The following NRG1 variants were observed in gnomAD, a reference collection of about 807,000 sequenced individuals.
NRG1 encodes neuregulin 1, also known as pro-neuregulin-1, membrane-bound isoform.
A neutral mutation model predicts 63.8 loss-of-function variants in NRG1; 18 were observed. The observed-to-expected ratio is 0.28, with a 90% CI of 0.19 to 0.42. The LOEUF is 0.42. Among genes scored for constraint, NRG1 ranks in the 10% least tolerant of loss-of-function variants. The pLI is 1.00. For synonymous variants in NRG1, 302 were observed against 301.3 expected, an observed-to-expected ratio of 1.00 and a Z score of -0.02; for missense variants, 762 against 814.7, an observed-to-expected ratio of 0.94 and a Z score of 0.79.
chr8:32,696,059 T>C (rs1418624285), intron 5 of NRG1, among the ~76,000 whole-genome samples: 1 of 152,178 alleles, frequency 6.6e-6, no homozygotes, highest in Admixed American at 6.5e-5. Flanking sequence ...TGTCTGCTCT[T>C]CCCCTCTTCA....
At chr8:32,364,753 C>A (rs1807711793) in intron 1 of NRG1, among the ~76,000 whole-genome samples, 1 of 151,872 alleles carries the variant, frequency 6.6e-6, no homozygotes, top group Non-Finnish European at 1.5e-5. Flanking sequence ...GCTACATTGC[C>A]CCCTTTAAAG....
intron 5 of NRG1, among the ~76,000 whole-genome samples, chr8:32,700,897 G>A (rs1425188206): frequency 2.6e-5 from 4 of 151,746 alleles, no homozygotes; most frequent in Admixed American, 2.0e-4. Flanking sequence ...TTGTCACACT[G>A]ACCTGCATTC....
At chr8:32,409,916 T>C (rs1317577382) in intron 1 of NRG1, among the ~76,000 whole-genome samples, 1 of 152,116 alleles carries the variant, frequency 6.6e-6, no homozygotes, top group East Asian at 1.9e-4. Flanking sequence ...GAGAATCTCT[T>C]CAATGCATCT....
downstream of NRG1, among the ~76,000 whole-genome samples, chr8:32,772,083 A>T (rs1311108437): frequency 1.5e-5 from 2 of 136,066 alleles, no homozygotes; most frequent in East Asian, 2.1e-4. Context: ...ATATATATAT[A>T]TATATAAAAT....
intron 5 of NRG1, among the ~76,000 whole-genome samples, chr8:32,693,566 AAG>A (rs1373467730): frequency 6.6e-6 from 1 of 151,942 alleles, no homozygotes; most frequent in Non-Finnish European, 1.5e-5. Flanking sequence ...AAAAAAAAAA[AAG>A]CCTCATGTTT....
intron 6 of NRG1, among the ~76,000 whole-genome samples, chr8:32,739,466 C>T (rs184429338): frequency 3.8e-4 from 58 of 152,212 alleles, no homozygotes; most frequent in Non-Finnish European, 6.3e-4. Flanking sequence ...GCTGCTATTT[C>T]CAAAAAATGA....
chr8:32,760,935 T>C (rs1830583433), intron 11 of NRG1: 1 of 987,516 alleles, frequency 1.0e-6, no homozygotes, highest in Non-Finnish European at 1.2e-6. Context: ...CACCCTATAG[T>C]ATCTATTTTA....
intron 4 of NRG1, among the ~76,000 whole-genome samples, 185 bp downstream of exon 4, chr8:32,614,749 C>A (rs545059846): frequency 6.6e-6 from 1 of 152,044 alleles, no homozygotes; most frequent in African/African-American, 2.4e-5. Context: ...ATGGTTCTTG[C>A]TGTGTCTTCA....
intron 5 of NRG1, among the ~76,000 whole-genome samples, chr8:32,652,453 A>G (rs748953561): frequency 1.3e-5 from 2 of 151,580 alleles, no homozygotes; most frequent in Non-Finnish European, 2.9e-5. Context: ...TCTCCTCTCT[A>G]TTCTTTTGTG....
At chr8:32,232,097 T>C (rs1847021126) in intron 1 of NRG1, among the ~76,000 whole-genome samples, 1 of 151,014 alleles carries the variant, frequency 6.6e-6, no homozygotes, top group South Asian at 2.1e-4. Context: ...AGAGATGAGG[T>C]TTTGCCATGT....
chr8:32,366,579 C>T (rs771852244), intron 1 of NRG1, among the ~76,000 whole-genome samples: 10 of 148,086 alleles, frequency 6.8e-5, no homozygotes, highest in African/African-American at 2.0e-4. Context: ...ACACATATAA[C>T]GTCTGTATAT....
chr8:32,289,016 G>A (rs10481037), intron 1 of NRG1, among the ~76,000 whole-genome samples: 7,713 of 152,146 alleles, frequency 0.051, 481 homozygotes, highest in African/African-American at 0.15. Context: ...TTGCTGGCAT[G>A]GTTCCTTTGG....
intron 5 of NRG1, among the ~76,000 whole-genome samples, chr8:32,712,874 G>A (rs939733602): frequency 6.6e-6 from 1 of 152,080 alleles, no homozygotes; most frequent in African/African-American, 2.4e-5. Flanking sequence ...ACTATGCCTA[G>A]TCACAGAGCT....
intron 1 of NRG1, among the ~76,000 whole-genome samples, chr8:31,669,458 C>G (rs1355765025): frequency 6.6e-6 from 1 of 152,086 alleles, no homozygotes; most frequent in East Asian, 1.9e-4. Context: ...AGGCTGGTCT[C>G]GAACTCCTGG....
intron 1 of NRG1, among the ~76,000 whole-genome samples, chr8:32,000,299 C>T (rs565321943): frequency 1.1e-4 from 16 of 151,900 alleles, no homozygotes; most frequent in Non-Finnish European, 1.0e-4. Flanking sequence ...CCTACCTTTG[C>T]AAGGTCAGTG....
At position 32,270,800 on chromosome 8, in the gene NRG1, A is replaced by G. The variant is rs1222067093; in HGVS notation, c.38-325028A>G. 2.0e-5 allele frequency among the ~76,000 whole-genome samples: 3 copies of G among 152,168 alleles called. No individual in the cohort carries two copies. In the East Asian group the frequency reaches 5.8e-4, roughly 29 times the overall value. On this transcript the variant is annotated intron_variant, in intron 1 of 10. Coordinates refer to the NRG1 transcript ENST00000519301. ...ATTGACACCACAGAAATTGGCAAAA[A>G]CTAGAAATCAAGTAACACATGCTAC...
intron 1 of NRG1, among the ~76,000 whole-genome samples, chr8:32,077,959 A>G (rs1450529190): frequency 6.6e-6 from 1 of 152,200 alleles, no homozygotes; most frequent in Non-Finnish European, 1.5e-5. Context: ...AGTTCTTCCA[A>G]CACACTCAGA....
Position 32,054,855 on chromosome 8 carries a change from CTTTCTTTCTTTTTTTTTTTTTTTTTTTT to C in NRG1, c.37+415428_37+415455del, listed in dbSNP as rs1348551741. Among the ~76,000 whole-genome samples, 414 of 56,312 alleles carry C rather than the reference CTTTCTTTCTTTTTTTTTTTTTTTTTTTT, an allele frequency of 7.4e-3. 1 individual carries two copies. The highest frequency in any genetic ancestry group is 0.029 in the African/African-American group (393 of 13,350). 36.9% of individuals were successfully genotyped at this position (56,312 alleles called of 152,430 possible). ...AGCATTTCCCTTGAAAAGCAGATTT[CTTTCTTTCTTTTTTTTTTTTTTTTTTTT>C]TTTTTTTTTTTTTTTTTTTTTTTGA... On this transcript the variant is annotated intron_variant, in intron 1 of 10. Transcript: ENST00000519301.
intron 1 of NRG1, among the ~76,000 whole-genome samples, chr8:32,233,386 G>A (rs1432487890): frequency 6.6e-6 from 1 of 151,484 alleles, no homozygotes. Flanking sequence ...TGTTATAGAC[G>A]TGAGCTACCA....
Sources: allele counts gnomAD v4.1 joint callset (sites outside exome capture counted in the v4.1 genomes callset), GRCh38; gene constraint gnomAD v4.1.1; transcripts MANE v1.5; gene names NCBI Gene and HGNC (gene_info 2026-07-23, HGNC 2026-07-21).